UQCRC2: variants seen among roughly 807,000 people sequenced by gnomAD.
UQCRC2 encodes the protein ubiquinol-cytochrome c reductase core protein 2.
Under a neutral mutation model 55.6 loss-of-function variants are expected in UQCRC2, and 49 were observed. That is an observed-to-expected ratio of 0.88 (90% confidence interval 0.70 to 1.12). UQCRC2 has a LOEUF of 1.12. Ranked by LOEUF, UQCRC2 falls within the 50% of genes most tolerant of loss-of-function variation. The pLI is 0.00. For missense variants in UQCRC2, 506 were observed against 547.8 expected, an observed-to-expected ratio of 0.92 and a Z score of 0.76; for synonymous variants, 193 against 192.0, an observed-to-expected ratio of 1.01 and a Z score of -0.04.
chr16:21,978,557 C>A (rs12922362), intron 12 of UQCRC2, among the ~76,000 whole-genome samples: 15,299 of 152,186 alleles, frequency 0.1, 997 homozygotes, highest in South Asian at 0.27. Flanking sequence ...ACAGACAAAT[C>A]TCAGCAAGAG....
intron 1 of UQCRC2, among the ~76,000 whole-genome samples, chr16:21,954,743 G>A (rs995413651): frequency 1.3e-5 from 2 of 151,998 alleles, no homozygotes; most frequent in African/African-American, 2.4e-5. Context: ...TGAATGGGAC[G>A]ATTAAGAAGC....
At position 21,980,695 on chromosome 16, in the gene UQCRC2, A is replaced by G; in HGVS notation, c.1273A>G (p.Ile425Val). The change falls in exon 13 of 14, where the codon ATA becomes GTA. Residue 425 changes from isoleucine (I) to valine (V), a missense_variant. Physicochemically the swap from Ile to Val is conservative, Grantham distance 29. Coordinates refer to ENST00000268379, the MANE Select transcript of UQCRC2 (RefSeq NM_003366.4). ...TGATTCAGTGGCTAATGCTGATATC[A>G]TAAATGTAAGTAAATGAAAACTTAA... is the stretch of plus-strand genomic sequence containing the variant. ...QIDSVANADI[I>V]NAAKKFVSGQ... is the part of the protein sequence containing the mutation. 8.1e-6 allele frequency: 13 copies of G among 1,612,084 alleles called. No individual in the cohort carries two copies. The highest frequency in any genetic ancestry group is 1.1e-5 in the Non-Finnish European group (13 of 1,179,458).
intron 12 of UQCRC2, among the ~76,000 whole-genome samples, chr16:21,978,811 C>T (rs1039771437): frequency 2.0e-5 from 3 of 152,122 alleles, no homozygotes; most frequent in African/African-American, 7.2e-5. Context: ...GGGGCACATA[C>T]CTTAAAATTG....
chr16:21,972,867 C>G (rs1161461383), intron 10 of UQCRC2, among the ~76,000 whole-genome samples: 3 of 152,116 alleles, frequency 2.0e-5, no homozygotes, highest in African/African-American at 7.2e-5. Flanking sequence ...TTTGGGAGGC[C>G]AAGTTGGGCG....
chr16:21,964,642 T>C (rs1898282688), intron 6 of UQCRC2, among the ~76,000 whole-genome samples: 1 of 152,208 alleles, frequency 6.6e-6, no homozygotes, highest in African/African-American at 2.4e-5. Flanking sequence ...ACCAGCTCAT[T>C]CTGTAAGATG....
intron 11 of UQCRC2, 101 bp downstream of exon 11, chr16:21,974,077 C>T (rs1409464736): frequency 6.7e-6 from 7 of 1,051,712 alleles, no homozygotes; most frequent in Middle Eastern, 2.1e-4. Context: ...GAATGCAGTG[C>T]AATGACTTAT....
intron 12 of UQCRC2, among the ~76,000 whole-genome samples, chr16:21,978,332 C>CTGTA (rs1422296376): frequency 6.6e-6 from 1 of 152,154 alleles, no homozygotes; most frequent in African/African-American, 2.4e-5. Context: ...GGAAGTCTTT[C>CTGTA]TGTAGAGTGT....
intron 1 of UQCRC2, among the ~76,000 whole-genome samples, chr16:21,956,880 C>T (rs553973784): frequency 6.6e-6 from 1 of 152,030 alleles, no homozygotes; most frequent in East Asian, 1.9e-4. Context: ...TTGGCCAACA[C>T]AGTGAAACCC....
chr16:21,962,335 A>G, intron 4 of UQCRC2, 125 bp from the exon 5 acceptor site: 2 of 1,129,564 alleles, frequency 1.8e-6, no homozygotes, highest in Non-Finnish European at 2.5e-6. Flanking sequence ...GTTTTGTTAT[A>G]TTATTGTTCG....
chr16:21,969,513 C>T (rs1170393482), intron 8 of UQCRC2, among the ~76,000 whole-genome samples: 1 of 152,154 alleles, frequency 6.6e-6, no homozygotes, highest in Non-Finnish European at 1.5e-5. Context: ...GCAAGGGCGA[C>T]AGAGTGAGAC....
Position 21,957,579 on chromosome 16 carries a change from A to G in UQCRC2, c.267+13A>G. 1 of 1,613,060 alleles carries G rather than the reference A, an allele frequency of 6.2e-7. No homozygotes were observed. Among genetic ancestry groups the G allele is most frequent in the Non-Finnish European group, 8.5e-7 (1 of 1,179,684 alleles). ...TACATCCAGTCTGGTGAGTATCTTC[A>G]CTTCCTCAAGTGTTTGGAAATGCTG... On this transcript the variant is annotated intron_variant, in intron 3 of 13. Coordinates refer to ENST00000268379, the MANE Select transcript of UQCRC2 (RefSeq NM_003366.4).
At chr16:21,980,523 T>C (rs2141949249) in intron 12 of UQCRC2, 24 bp from the exon 13 acceptor site, 1 of 1,605,366 alleles carries the variant, frequency 6.2e-7, no homozygotes, top group Non-Finnish European at 8.5e-7. Flanking sequence ...TCTCTAAAAC[T>C]GACTTCTGCC....
chr16:21,973,987 A>G lies in UQCRC2; in HGVS notation c.1047+11A>G, dbSNP rs771052865. On this transcript the variant is annotated intron_variant, in intron 11 of 13. Transcript: ENST00000268379. ...ACAGCTGCTGGAGATGTAAGTTGCA[A>G]ACTCACCAAACTTCTTTCATGAACA... The G allele has an allele frequency of 9.4e-6, 15 of 1,594,196 alleles. No homozygotes were observed. Among genetic ancestry groups the G allele is most frequent in the Non-Finnish European group, 1.2e-5 (14 of 1,174,090 alleles).
Position 21,980,607 on chromosome 16 carries a change from A to G in UQCRC2, c.1185A>G (p.Glu395=). The G allele has an allele frequency of 1.9e-6, 3 of 1,614,202 alleles. No homozygotes were observed. Among genetic ancestry groups the G allele is most frequent in the Non-Finnish European group, 2.5e-6 (3 of 1,180,034 alleles). Residue 395 remains glutamate (E), a synonymous_variant, in exon 13 of 14, where the codon GAA becomes GAG. Transcript: ENST00000268379. ...AGTCTTCTGAGTGTTTCCTGGAAGAAGTCGGGTCCCAGGCTCTAGTTGCTG... is the reference window on the plus strand; with the variant it reads ...AGTCTTCTGAGTGTTTCCTGGAAGAGGTCGGGTCCCAGGCTCTAGTTGCTG... The part of the protein sequence containing the change: ...SVESSECFLE[E]VGSQALVAGS...
chr16:21,958,740 A>G, intron 4 of UQCRC2, 141 bp downstream of exon 4: 1 of 711,492 alleles, frequency 1.4e-6, no homozygotes. Context: ...AGTATATCAA[A>G]CTGTAAAACA....
At chr16:21,966,430 A>G (rs1395657171) in intron 7 of UQCRC2, among the ~76,000 whole-genome samples, 1 of 151,938 alleles carries the variant, frequency 6.6e-6, no homozygotes, top group East Asian at 1.9e-4. Flanking sequence ...ATATGTGCGT[A>G]TAATCTTAAT....
chr16:21,979,210 G>T (rs1292771377), intron 12 of UQCRC2, among the ~76,000 whole-genome samples: 1 of 152,138 alleles, frequency 6.6e-6, no homozygotes, highest in Admixed American at 6.5e-5. Flanking sequence ...TTGACAGAAG[G>T]CTCTTCAAGA....
chr16:21,966,802 A>G (rs1822556698), intron 7 of UQCRC2, among the ~76,000 whole-genome samples: 1 of 152,238 alleles, frequency 6.6e-6, no homozygotes, highest in African/African-American at 2.4e-5. Context: ...AAAACTTAGC[A>G]AAAGTTTATC....
chr16:21,970,584 TTTTG>T (rs1255702621), intron 8 of UQCRC2, among the ~76,000 whole-genome samples: 4 of 152,150 alleles, frequency 2.6e-5, no homozygotes, highest in South Asian at 2.1e-4. Context: ...GTATAACTTT[TTTTG>T]TTTGTTTGTT....
Sources: allele counts gnomAD v4.1 joint callset (sites outside exome capture counted in the v4.1 genomes callset), GRCh38; gene constraint gnomAD v4.1.1; transcripts MANE v1.5; gene names NCBI Gene and HGNC (gene_info 2026-07-23, HGNC 2026-07-21).